The following SLC11A2 variants were observed in gnomAD, a reference collection of about 807,000 sequenced individuals.
SLC11A2 encodes solute carrier family 11 member 2.
In SLC11A2, 38 loss-of-function variants were observed where a neutral mutation model predicts 68.0. The observed-to-expected ratio is 0.56, with a 90% confidence interval of 0.43 to 0.73. SLC11A2 has a LOEUF of 0.73. Ranked by LOEUF, SLC11A2 falls within the 30% of genes least tolerant of loss-of-function variation. The pLI is 0.00. For synonymous variants in SLC11A2, 242 were observed against 250.6 expected (o/e 0.97, Z 0.32); for missense variants, 517 against 690.5 (o/e 0.75, Z 2.82).
At chr12:50,997,718 T>C (rs1283777621) in intron 8 of SLC11A2, among the ~76,000 whole-genome samples, 1 of 126,160 alleles carries the variant, frequency 7.9e-6, no homozygotes, top group African/African-American at 3.0e-5. Context: ...CCAGGCATGG[T>C]GGCTCACGCC....
the SLC11A2 span, among the ~76,000 whole-genome samples, chr12:50,952,479 G>A: frequency 6.6e-6 from 1 of 152,100 alleles, no homozygotes; most frequent in Non-Finnish European, 1.5e-5. Context: ...GGTGAGCAAG[G>A]TGTTCTCCAA....
chr12:51,010,557 C>A, intron 2 of SLC11A2, 138 bp downstream of exon 2: 5 of 568,770 alleles, frequency 8.8e-6, no homozygotes, highest in Non-Finnish European at 1.3e-5. Flanking sequence ...CCTAAGTCAC[C>A]AGATGGTGAC....
chr12:50,997,579 C>G (rs1237779221), intron 8 of SLC11A2, among the ~76,000 whole-genome samples: 1 of 141,404 alleles, frequency 7.1e-6, no homozygotes, highest in Non-Finnish European at 1.5e-5. Context: ...ATAGTACTAG[C>G]TACTAGGGAG....
chr12:50,979,780 T>C (rs939879534), downstream of SLC11A2: 2 of 447,052 alleles, frequency 4.5e-6, no homozygotes, highest in Non-Finnish European at 9.0e-6. Context: ...ACATAGGCAA[T>C]GTCTGGATTT....
chr12:51,010,171 A>G (rs902916949), intron 2 of SLC11A2, among the ~76,000 whole-genome samples: 2 of 150,224 alleles, frequency 1.3e-5, no homozygotes, highest in African/African-American at 4.9e-5. Context: ...CTGGGCAACT[A>G]GAGCAAAACT....
chr12:51,028,203 G>T, upstream of SLC11A2: 1 of 1,535,504 alleles, frequency 6.5e-7, no homozygotes, highest in African/African-American at 1.4e-5. Context: ...AGCTGCCTCC[G>T]TCTTCAGCTG....
At chr12:51,002,848 G>C (rs1458566744) in intron 5 of SLC11A2, among the ~76,000 whole-genome samples, 2 of 151,942 alleles carry the variant, frequency 1.3e-5, no homozygotes, top group Non-Finnish European at 2.9e-5. Context: ...GCTGAGGCAG[G>C]AGAATAGCTT....
chr12:50,954,264 C>A, the SLC11A2 span: 1 of 471,036 alleles, frequency 2.1e-6, no homozygotes, highest in Non-Finnish European at 3.7e-6. Context: ...CATGGTAAGC[C>A]CCCAGTAAAT....
At chr12:51,013,319 T>C (rs1008407947) in intron 1 of SLC11A2, among the ~76,000 whole-genome samples, 4 of 148,916 alleles carry the variant, frequency 2.7e-5, no homozygotes, top group Non-Finnish European at 4.4e-5. Context: ...AGACAGAGTT[T>C]CACTCTTGTC....
the SLC11A2 span, among the ~76,000 whole-genome samples, chr12:50,971,342 T>C: frequency 6.6e-6 from 1 of 152,222 alleles, no homozygotes; most frequent in East Asian, 1.9e-4. Context: ...TTCACCACTT[T>C]ATATCTCATT....
downstream of SLC11A2, chr12:50,981,504 A>G (rs1028272600): frequency 6.6e-6 from 3 of 456,704 alleles, no homozygotes; most frequent in South Asian, 7.2e-5. Context: ...TCAGAGGCCA[A>G]TCGTTTAACT....
chr12:50,996,971 T>C lies in SLC11A2; in HGVS notation c.677A>G (p.Tyr226Cys), dbSNP rs1941757414. ...GCTCTGGCTGGGTTTCACTGTAACA[T>C]ACTACATACCAACATAACAATGATT... is the stretch of plus-strand genomic sequence containing the variant. ...TIMALTFGYE[Y>C]VTVKPSQSQV... Residue 226 changes from tyrosine to cysteine, a missense_variant and splice_region_variant, in exon 9 of 16, where the codon TAT (tyrosine) becomes TGT (cysteine). Physicochemically the swap from Tyr to Cys is radical, Grantham distance 194 (BLOSUM62 -2). Coordinates refer to ENST00000262052, the MANE Select transcript of SLC11A2 (RefSeq NM_000617.3). The C allele has an allele frequency of 6.2e-7, 1 of 1,613,688 alleles. No homozygotes were observed. Among genetic ancestry groups the C allele is most frequent in the Non-Finnish European group, 8.5e-7 (1 of 1,179,604 alleles).
the SLC11A2 span, among the ~76,000 whole-genome samples, chr12:50,973,823 C>T: frequency 6.6e-6 from 1 of 152,162 alleles, no homozygotes; most frequent in South Asian, 2.1e-4. Flanking sequence ...AACCATGGCA[C>T]AAGAACTACG....
the SLC11A2 span, among the ~76,000 whole-genome samples, chr12:50,957,937 G>GGTGTGTGTGTGTGTGTGTGT: frequency 1.1e-3 from 149 of 132,500 alleles, 1 homozygote; most frequent in African/African-American, 2.5e-3. Context: ...ATGAATTGGA[G>GGTGTGTGTGTGTGTGTGTGT]GTGTGTGTGT....
Position 50,995,741 on chromosome 12 carries a change from T to C in SLC11A2, c.878A>G (p.Asn293Ser), listed in dbSNP as rs374380241. 3.1e-6 allele frequency: 5 copies of C among 1,613,978 alleles called. No homozygotes were observed. The African/African-American group carries it at 5.3e-5, about 17-fold the overall frequency. The change falls in exon 10 of 16, where the codon AAT (asparagine) becomes AGT (serine). Residue 293 changes from asparagine (N) to serine (S), a missense_variant. Coordinates refer to ENST00000262052, the MANE Select transcript of SLC11A2 (RefSeq NM_000617.3). ...RNNKQEVREA[N>S]KYFFIESCIA... ...GCAGGATTCAATGAAAAAGTACTTA[T>C]TGGCTTCTCGAACTTCCTGCTTATT...
At chr12:51,012,843 C>A (rs1392841722) in intron 1 of SLC11A2, among the ~76,000 whole-genome samples, 1 of 152,070 alleles carries the variant, frequency 6.6e-6, no homozygotes, top group East Asian at 1.9e-4. Context: ...GCCAACAGCC[C>A]CCAATAATAC....
chr12:50,954,485 G>C, the SLC11A2 span: 872 of 156,478 alleles, frequency 5.6e-3, 6 homozygotes, highest in Non-Finnish European at 9.9e-3. Flanking sequence ...TCTTTGTCTT[G>C]TAAGTAATCT....
intron 5 of SLC11A2, among the ~76,000 whole-genome samples, 182 bp downstream of exon 5, chr12:51,004,606 G>C (rs1172937225): frequency 6.6e-6 from 1 of 152,158 alleles, no homozygotes; most frequent in Non-Finnish European, 1.5e-5. Context: ...TTTTGAAAGA[G>C]GGGGAAAACA....
chr12:51,010,174 GCAAAACT>G lies in SLC11A2; in HGVS notation c.34+514_34+520del, dbSNP rs1455606497. Among the ~76,000 whole-genome samples, 5 of 148,426 alleles carry G rather than the reference GCAAAACT, an allele frequency of 3.4e-5. No homozygotes were observed. The South Asian group carries it at 8.6e-4, about 25-fold the overall frequency. ...ACACTAACTAGCCTGGGCAACTAGA[GCAAAACT>G]CCGCCTCAAAAAAAAAACCAAACAA... is the stretch of plus-strand genomic sequence containing the variant. On this transcript the variant is annotated intron_variant, in intron 2 of 15. Transcript: ENST00000262052.
Sources: gnomAD v4.1 joint callset for allele counts (sites outside exome capture counted in the v4.1 genomes callset) on GRCh38, gnomAD v4.1.1 for gene constraint, MANE v1.5 for transcripts, NCBI Gene and HGNC (gene_info 2026-07-23, HGNC 2026-07-21) for gene names.